The following DISC1 variants were observed in gnomAD, a reference collection of about 807,000 sequenced individuals.
DISC1 encodes the protein disrupted in schizophrenia 1 protein.
Under a neutral mutation model 84.5 loss-of-function variants are expected in DISC1, and 57 were observed. The ratio of observed to expected loss-of-function variants is 0.67; its 90% CI spans 0.55 to 0.84. DISC1 has a LOEUF of 0.84. Ranked by LOEUF, DISC1 falls within the 40% of genes least tolerant of loss-of-function variation. The probability of loss-of-function intolerance (pLI) is 0.00; values close to 1 mark genes in which losing one functional copy is unlikely to be tolerated. For synonymous variants in DISC1, 411 were observed against 415.2 expected (o/e 0.99, Z 0.12); for missense variants, 1,000 against 1,057.8 (o/e 0.95, Z 0.76).
At chr1:231,724,552 C>T (rs1310491922) in intron 3 of DISC1, among the ~76,000 whole-genome samples, 1 of 152,220 alleles carries the variant, frequency 6.6e-6, no homozygotes, top group African/African-American at 2.4e-5. Context: ...AGAGTTGTCA[C>T]AGCCTTGAGC....
At chr1:231,714,787 C>T (rs1443118765) in intron 3 of DISC1, among the ~76,000 whole-genome samples, 1 of 152,114 alleles carries the variant, frequency 6.6e-6, no homozygotes, top group Non-Finnish European at 1.5e-5. Context: ...CACATATGCA[C>T]ATACACAGTA....
At chr1:231,724,402 G>A (rs1426280656) in intron 3 of DISC1, among the ~76,000 whole-genome samples, 1 of 152,156 alleles carries the variant, frequency 6.6e-6, no homozygotes, top group Admixed American at 6.5e-5. Context: ...CTAGAACCCT[G>A]CAAACACCGC....
intron 9 of DISC1, chr1:231,866,793 A>G: frequency 9.0e-7 from 1 of 1,117,226 alleles, no homozygotes; most frequent in South Asian, 3.5e-5. Context: ...TTAATCTGTA[A>G]TTAAAGTCAT....
At chr1:231,976,343 C>T (rs1215090625) in intron 10 of DISC1, among the ~76,000 whole-genome samples, 1 of 152,176 alleles carries the variant, frequency 6.6e-6, no homozygotes, top group Admixed American at 6.5e-5. Context: ...CCTGTTGCCA[C>T]CACTGAGCAG....
chr1:231,873,469 T>G (rs2085617901), intron 9 of DISC1, among the ~76,000 whole-genome samples: 1 of 152,206 alleles, frequency 6.6e-6, no homozygotes, highest in South Asian at 2.1e-4. Context: ...TCCATAGCAT[T>G]GGGTCTTCTA....
At chr1:231,802,091 C>T (rs1245055846) in intron 8 of DISC1, among the ~76,000 whole-genome samples, 1 of 151,930 alleles carries the variant, frequency 6.6e-6, no homozygotes, top group Non-Finnish European at 1.5e-5. Flanking sequence ...TAAGGGAGGT[C>T]CTTAAGATTC....
At chr1:231,818,777 G>A in intron 9 of DISC1, 1 of 1,316,068 alleles carries the variant, frequency 7.6e-7, no homozygotes, top group Non-Finnish European at 9.7e-7. Flanking sequence ...TAATAGCCTT[G>A]TTATTATTTA....
intron 4 of DISC1, among the ~76,000 whole-genome samples, chr1:231,764,538 A>G (rs146141178): frequency 2.6e-5 from 4 of 152,330 alleles, no homozygotes; most frequent in Non-Finnish European, 5.9e-5. Context: ...CCTGCTTTAG[A>G]AAAAACAGCA....
chr1:231,697,234 CCT>C (rs1460988970), intron 2 of DISC1, among the ~76,000 whole-genome samples: 2 of 152,018 alleles, frequency 1.3e-5, no homozygotes, highest in African/African-American at 4.8e-5. Context: ...TGTTTGGGGG[CCT>C]TATTGATATT....
At position 231,849,574 on chromosome 1, in the gene DISC1, G is replaced by A. The variant is rs1266347337; in HGVS notation, c.1981+31057G>A. On this transcript the variant is annotated intron_variant, in intron 9 of 12. Coordinates refer to ENST00000439617, the MANE Select transcript of DISC1 (RefSeq NM_018662.3). Reference sequence around the variant, plus strand: ...GTAGTGTATGTTTGTGTTTTCATGTGTATATGTGTGTGTATGTGTGCGTGT... The same window carrying A: ...GTAGTGTATGTTTGTGTTTTCATGTATATATGTGTGTGTATGTGTGCGTGT... Among the ~76,000 whole-genome samples the A allele has an allele frequency of 2.6e-5, 4 of 152,184 alleles. No homozygotes were observed. The East Asian group carries it at 7.7e-4, about 29-fold the overall frequency.
intron 9 of DISC1, among the ~76,000 whole-genome samples, chr1:231,903,608 AG>A (rs2088374269): frequency 6.6e-6 from 1 of 152,180 alleles, no homozygotes; most frequent in Non-Finnish European, 1.5e-5. Flanking sequence ...ATTGGAGCAG[AG>A]GCCTCCGCAA....
At chr1:231,741,169 A>G (rs1216989929) in intron 3 of DISC1, among the ~76,000 whole-genome samples, 1 of 152,206 alleles carries the variant, frequency 6.6e-6, no homozygotes, top group Non-Finnish European at 1.5e-5. Context: ...TGGGGACAGT[A>G]GAAATGGAGA....
At chr1:231,885,195 C>T (rs151029109) in intron 9 of DISC1, among the ~76,000 whole-genome samples, 4 of 152,122 alleles carry the variant, frequency 2.6e-5, no homozygotes, top group Admixed American at 1.3e-4. Context: ...CTGAAACATA[C>T]GAAAAAATGA....
chr1:231,700,938 A>G (rs2066341457), intron 2 of DISC1, among the ~76,000 whole-genome samples: 1 of 152,246 alleles, frequency 6.6e-6, no homozygotes, highest in Non-Finnish European at 1.5e-5. Context: ...GCCCAAATCC[A>G]TTCATTGGTA....
chr1:231,977,012 G>A (rs1662906397), intron 10 of DISC1, among the ~76,000 whole-genome samples: 1 of 152,162 alleles, frequency 6.6e-6, no homozygotes, highest in Admixed American at 6.5e-5. Flanking sequence ...CTGGGACTCA[G>A]AGAGATTCAG....
chr1:231,959,894 C>G (rs187082972), intron 10 of DISC1, among the ~76,000 whole-genome samples: 2 of 152,296 alleles, frequency 1.3e-5, no homozygotes, highest in African/African-American at 4.8e-5. Flanking sequence ...CGCATGTGTT[C>G]GGGGCAGATT....
intron 10 of DISC1, among the ~76,000 whole-genome samples, chr1:231,993,051 G>A (rs770187069): frequency 2.6e-5 from 4 of 152,144 alleles, no homozygotes; most frequent in Non-Finnish European, 5.9e-5. Flanking sequence ...TTCAGAGAAA[G>A]GACATCACAT....
intron 9 of DISC1, among the ~76,000 whole-genome samples, chr1:231,874,867 C>T (rs964243422): frequency 2.0e-4 from 30 of 149,450 alleles, no homozygotes; most frequent in Admixed American, 4.7e-4. Flanking sequence ...GCCGAGATCG[C>T]GCCACTACAC....
At chr1:231,628,855 T>C (rs1012083036) in intron 1 of DISC1, among the ~76,000 whole-genome samples, 1 of 152,172 alleles carries the variant, frequency 6.6e-6, no homozygotes, top group African/African-American at 2.4e-5. Context: ...GATCCTCCTG[T>C]TCCAGCTTTT....
Sources: gnomAD v4.1 joint callset for allele counts (sites outside exome capture counted in the v4.1 genomes callset) on GRCh38, gnomAD v4.1.1 for gene constraint, MANE v1.5 for transcripts, NCBI Gene and HGNC (gene_info 2026-07-23, HGNC 2026-07-21) for gene names.